Variants in RBFOX1 observed in about 807,000 individuals in gnomAD.
The protein encoded by RBFOX1 is RNA binding fox-1 homolog 1.
Under a neutral mutation model 57.7 loss-of-function variants are expected in RBFOX1, and 8 were observed. The observed-to-expected ratio is 0.14, with a 90% confidence interval of 0.08 to 0.25. The LOEUF is 0.25. Among genes scored for constraint, RBFOX1 ranks in the 10% least tolerant of loss-of-function variants. The pLI, the probability that RBFOX1 is intolerant of heterozygous loss-of-function variation, is 1.00. For synonymous variants in RBFOX1, 326 were observed against 222.4 expected (o/e 1.47, Z -4.15); for missense variants, 611 against 548.5 (o/e 1.11, Z -1.14).
chr16:7,419,741 CT>C (rs2098521570), intron 4 of RBFOX1, among the ~76,000 whole-genome samples: 1 of 152,162 alleles, frequency 6.6e-6, no homozygotes, highest in African/African-American at 2.4e-5. Flanking sequence ...TTTTGCAAGA[CT>C]GTTAATTTTC....
intron 3 of RBFOX1, among the ~76,000 whole-genome samples, chr16:5,641,430 C>A (rs907391642): frequency 6.6e-6 from 1 of 152,224 alleles, no homozygotes; most frequent in Non-Finnish European, 1.5e-5. Context: ...AACTGCAAAG[C>A]AGGCTGAGGG....
intron 4 of RBFOX1, among the ~76,000 whole-genome samples, chr16:7,455,294 T>C (rs2058272865): frequency 6.6e-6 from 1 of 152,174 alleles, no homozygotes. Flanking sequence ...CCTCCCTATA[T>C]TGAGAAGTTT....
chr16:7,009,214 C>T (rs1299284968), intron 3 of RBFOX1, among the ~76,000 whole-genome samples: 1 of 132,142 alleles, frequency 7.6e-6, no homozygotes, highest in African/African-American at 2.8e-5. Context: ...CTCTTTCTCT[C>T]TGTCCCTCTT....
chr16:5,851,028 C>T (rs1234989123), intron 3 of RBFOX1, among the ~76,000 whole-genome samples: 1 of 152,200 alleles, frequency 6.6e-6, no homozygotes, highest in Non-Finnish European at 1.5e-5. Context: ...TTGTTGATTC[C>T]AGCCTCCCTG....
At chr16:6,781,761 T>C (rs181795979) in intron 3 of RBFOX1, among the ~76,000 whole-genome samples, 1 of 152,164 alleles carries the variant, frequency 6.6e-6, no homozygotes, top group Non-Finnish European at 1.5e-5. Flanking sequence ...GTGGTATCTG[T>C]TTTAATATTT....
At chr16:7,243,192 A>G (rs1455533690) in intron 4 of RBFOX1, among the ~76,000 whole-genome samples, 1 of 152,176 alleles carries the variant, frequency 6.6e-6, no homozygotes, top group Non-Finnish European at 1.5e-5. Flanking sequence ...GCAAACACAT[A>G]TTGATCTCTT....
chr16:6,896,208 G>A (rs528285548), intron 3 of RBFOX1, among the ~76,000 whole-genome samples: 2 of 152,248 alleles, frequency 1.3e-5, no homozygotes, highest in East Asian at 3.9e-4. Context: ...GGCAGGCGAA[G>A]GTTGTAGTGA....
intron 1 of RBFOX1, among the ~76,000 whole-genome samples, chr16:5,293,496 G>A (rs2063584603): frequency 6.6e-6 from 1 of 152,074 alleles, no homozygotes; most frequent in Admixed American, 6.5e-5. Flanking sequence ...AATCTCCTGG[G>A]GAGATGAGAC....
chr16:6,545,075 G>T (rs2096876539), intron 2 of RBFOX1, among the ~76,000 whole-genome samples: 1 of 152,144 alleles, frequency 6.6e-6, no homozygotes, highest in Non-Finnish European at 1.5e-5. Flanking sequence ...ATTAAATTGG[G>T]AGATAAAAGT....
At chr16:7,187,682 C>A (rs1480419887) in intron 4 of RBFOX1, among the ~76,000 whole-genome samples, 1 of 83,566 alleles carries the variant, frequency 1.2e-5, no homozygotes, top group African/African-American at 5.1e-5. Flanking sequence ...GAATGAGACT[C>A]TGTCTCACAA....
At chr16:6,235,479 A>G (rs1367611468) in intron 1 of RBFOX1, among the ~76,000 whole-genome samples, 7 of 152,032 alleles carry the variant, frequency 4.6e-5, no homozygotes, top group Admixed American at 3.3e-4. Flanking sequence ...ACAATTTGCA[A>G]TTGCAAAAAT....
chr16:5,761,425 T>C (rs887987133), intron 3 of RBFOX1, among the ~76,000 whole-genome samples: 6 of 152,320 alleles, frequency 3.9e-5, no homozygotes, highest in Non-Finnish European at 7.4e-5. Flanking sequence ...TTTCTGCTAA[T>C]AAAGACATAC....
chr16:6,978,873 C>A (rs897584294), intron 3 of RBFOX1, among the ~76,000 whole-genome samples: 1 of 152,124 alleles, frequency 6.6e-6, no homozygotes, highest in Non-Finnish European at 1.5e-5. Context: ...TGCATTTTTG[C>A]CCTGATGATG....
chr16:6,544,115 G>A (rs1332545794), intron 2 of RBFOX1, among the ~76,000 whole-genome samples: 6 of 152,162 alleles, frequency 3.9e-5, no homozygotes, highest in African/African-American at 1.4e-4. Context: ...TATCTTATCT[G>A]TCTTTGCATC....
chr16:5,660,219 G>C lies in RBFOX1; in HGVS notation c.318+61258G>C, dbSNP rs547809295. Among the ~76,000 whole-genome samples, 335 of 152,314 alleles carry C rather than the reference G, an allele frequency of 2.2e-3. 2 individuals carry two copies. Among genetic ancestry groups the C allele is most frequent in the Admixed American group, 3.9e-3 (60 of 15,296 alleles). On this transcript the variant is annotated intron_variant, in intron 3 of 19. Transcript: ENST00000641259. ...TTTAGAGTCAAGGTTGTTTCGTTGA[G>C]TGTCTGGTATTAAATGGTATTCTCA... is the stretch of plus-strand genomic sequence containing the variant.
intron 3 of RBFOX1, among the ~76,000 whole-genome samples, chr16:6,758,762 T>C (rs1397709990): frequency 1.3e-5 from 2 of 152,154 alleles, no homozygotes; most frequent in Non-Finnish European, 1.5e-5. Context: ...TACAGGTCTT[T>C]TAAAACTTGC....
intron 3 of RBFOX1, among the ~76,000 whole-genome samples, chr16:6,889,590 TC>T (rs138795656): frequency 0.033 from 5,012 of 152,274 alleles, 121 homozygotes; most frequent in Non-Finnish European, 0.051. Flanking sequence ...CATGTCGAAT[TC>T]CCGACTAGTT....
At chr16:5,263,383 T>C (rs1415487667) in intron 1 of RBFOX1, among the ~76,000 whole-genome samples, 1 of 152,042 alleles carries the variant, frequency 6.6e-6, no homozygotes, top group Non-Finnish European at 1.5e-5. Context: ...AACAGAGGGA[T>C]TGATGAAGAT....
chr16:6,329,695 G>A lies in RBFOX1; in HGVS notation c.-64+12638G>A, dbSNP rs891451976. On this transcript the variant is annotated intron_variant, in intron 2 of 15. Coordinates refer to ENST00000550418, the MANE Select transcript of RBFOX1 (RefSeq NM_018723.4). The stretch of plus-strand genomic sequence containing the variant: ...GCCTGTAATCCCAGCACTTTGGGAG[G>A]CCAAAACGGGTGGATCATTTGAGGT... Among the ~76,000 whole-genome samples, 6 of 152,298 alleles carry A rather than the reference G, an allele frequency of 3.9e-5. No individual in the cohort carries two copies. The East Asian group carries it at 9.7e-4, about 25-fold the overall frequency.
Sources: allele counts gnomAD v4.1 joint callset (sites outside exome capture counted in the v4.1 genomes callset), GRCh38; gene constraint gnomAD v4.1.1; transcripts MANE v1.5; gene names NCBI Gene and HGNC (gene_info 2026-07-23, HGNC 2026-07-21).